The following SPATA17 variants were observed in gnomAD, a reference collection of about 807,000 sequenced individuals.
The protein encoded by SPATA17 is spermatogenesis associated 17.
Under a neutral mutation model 62.2 loss-of-function variants are expected in SPATA17, and 53 were observed. The ratio of observed to expected loss-of-function variants is 0.85; its 90% CI spans 0.68 to 1.07. The LOEUF (loss-of-function observed/expected upper bound fraction) is 1.07. Ranked by LOEUF, SPATA17 falls within the 50% of genes least tolerant of loss-of-function variation. The pLI, the probability that SPATA17 is intolerant of heterozygous loss-of-function variation, is 0.00. For missense variants in SPATA17, 466 were observed against 425.5 expected (o/e 1.10, Z -0.84); for synonymous variants, 146 against 146.8 (o/e 0.99, Z 0.04).
chr1:217,850,516 G>T, intron 9 of SPATA17: 1 of 1,561,990 alleles, frequency 6.4e-7, no homozygotes, highest in South Asian at 1.1e-5. Context: ...AGCCTCTGCT[G>T]GTCGGGGAGG....
At chr1:217,681,748 A>G (rs957982490) in intron 4 of SPATA17, among the ~76,000 whole-genome samples, 7 of 152,314 alleles carry the variant, frequency 4.6e-5, no homozygotes, top group African/African-American at 1.7e-4. Context: ...TTAAATGGCC[A>G]TGTTTTAAAA....
chr1:217,686,479 G>T (rs1671216786), intron 5 of SPATA17, among the ~76,000 whole-genome samples: 1 of 151,422 alleles, frequency 6.6e-6, no homozygotes, highest in South Asian at 2.1e-4. Flanking sequence ...TCTCTCTTTT[G>T]TTCTCAAAAT....
chr1:217,799,173 T>G (rs1334560076), intron 8 of SPATA17, among the ~76,000 whole-genome samples: 1 of 152,102 alleles, frequency 6.6e-6, no homozygotes, highest in African/African-American at 2.4e-5. Context: ...TGAGTATACA[T>G]ACATGCACAT....
At chr1:217,664,253 A>C (rs1300934472) in intron 3 of SPATA17, among the ~76,000 whole-genome samples, 3 of 151,740 alleles carry the variant, frequency 2.0e-5, no homozygotes, top group African/African-American at 7.3e-5. Flanking sequence ...CAGAAGTTCC[A>C]ATGAAGTGTA....
chr1:217,652,530 G>A (rs143482143), intron 3 of SPATA17, among the ~76,000 whole-genome samples: 37 of 152,042 alleles, frequency 2.4e-4, no homozygotes, highest in African/African-American at 7.7e-4. Context: ...CACCACGCCC[G>A]GCCAAACTTT....
chr1:217,666,088 T>C (rs1168495884), intron 3 of SPATA17, among the ~76,000 whole-genome samples: 1 of 152,170 alleles, frequency 6.6e-6, no homozygotes, highest in East Asian at 1.9e-4. Flanking sequence ...TCCACTACAA[T>C]AAAACCATCT....
chr1:217,772,753 C>A (rs1304045798), intron 6 of SPATA17, among the ~76,000 whole-genome samples: 1 of 152,192 alleles, frequency 6.6e-6, no homozygotes, highest in African/African-American at 2.4e-5. Context: ...CCCTGCTAGG[C>A]CCTGGGGTTG....
intron 6 of SPATA17, among the ~76,000 whole-genome samples, chr1:217,746,642 G>T (rs991259927): frequency 2.0e-5 from 3 of 151,706 alleles, no homozygotes; most frequent in Admixed American, 6.6e-5. Context: ...TTAAAGTCAG[G>T]TTTAAGCCTA....
intron 9 of SPATA17, among the ~76,000 whole-genome samples, chr1:217,833,410 C>A (rs1463816759): frequency 6.6e-6 from 1 of 152,096 alleles, no homozygotes; most frequent in Non-Finnish European, 1.5e-5. Flanking sequence ...GGAGGGATAG[C>A]GTTAATAAGA....
At chr1:217,631,546 ATT>A in intron 1 of SPATA17, 100 bp downstream of exon 1, 2 of 1,251,158 alleles carry the variant, frequency 1.6e-6, no homozygotes, top group Non-Finnish European at 2.3e-6. Context: ...GATTACCCTA[ATT>A]CATTAAGTAG....
chr1:217,656,479 C>T (rs1003014054), intron 3 of SPATA17, among the ~76,000 whole-genome samples: 4 of 151,894 alleles, frequency 2.6e-5, no homozygotes, highest in African/African-American at 4.8e-5. Context: ...AGCTTTTCCT[C>T]GTTTAGATTG....
Position 217,651,886 on chromosome 1 carries a change from G to A in SPATA17, c.240+708G>A, listed in dbSNP as rs542177530. On this transcript the variant is annotated intron_variant, in intron 3 of 10. Transcript: ENST00000366933. Reference sequence around the variant, plus strand: ...GTTAGGATGCTTATTAAAAGTAACCGTCGTACTCATTTGGCAGGCTAGGAA... The same window carrying A: ...GTTAGGATGCTTATTAAAAGTAACCATCGTACTCATTTGGCAGGCTAGGAA... 2.0e-4 allele frequency among the ~76,000 whole-genome samples: 30 copies of A among 152,234 alleles called. No individual in the cohort carries two copies. In the South Asian group the frequency reaches 4.8e-3, roughly 24 times the overall value.
chr1:217,862,708 A>G, intron 9 of SPATA17, 66 bp from the exon 10 acceptor site: 1 of 1,151,288 alleles, frequency 8.7e-7, no homozygotes, highest in Non-Finnish European at 1.3e-6. Context: ...CTAAATAATA[A>G]CAATAATGGT....
At chr1:217,727,285 A>C (rs11578199) in intron 5 of SPATA17, among the ~76,000 whole-genome samples, 27,766 of 146,622 alleles carry the variant, frequency 0.19, 3,143 homozygotes, top group Non-Finnish European at 0.25. Context: ...AATAATAATA[A>C]TAACAACAAA....
At chr1:217,855,727 C>CT (rs1227869263) in intron 9 of SPATA17, among the ~76,000 whole-genome samples, 18 of 30,446 alleles carry the variant, frequency 5.9e-4, no homozygotes, top group African/African-American at 2.1e-3. Flanking sequence ...ACAGAAGGAA[C>CT]TATTTTTTTT....
At chr1:217,772,600 C>G (rs1463435860) in intron 6 of SPATA17, among the ~76,000 whole-genome samples, 3 of 152,062 alleles carry the variant, frequency 2.0e-5, no homozygotes, top group Non-Finnish European at 4.4e-5. Flanking sequence ...TGAAATAAGT[C>G]TCAAACTTTT....
chr1:217,645,093 T>C (rs1571701139), intron 1 of SPATA17, among the ~76,000 whole-genome samples: 1 of 152,118 alleles, frequency 6.6e-6, no homozygotes, highest in East Asian at 1.9e-4. Flanking sequence ...GAGAAACATG[T>C]ATAGAAGTCA....
intron 9 of SPATA17, among the ~76,000 whole-genome samples, chr1:217,851,033 T>A (rs998298949): frequency 5.9e-5 from 9 of 152,150 alleles, no homozygotes; most frequent in African/African-American, 2.2e-4. Context: ...TTGGGTAGGA[T>A]TTGCACCTAC....
intron 8 of SPATA17, among the ~76,000 whole-genome samples, chr1:217,789,629 T>G (rs1238297088): frequency 6.6e-6 from 1 of 152,096 alleles, no homozygotes; most frequent in Non-Finnish European, 1.5e-5. Flanking sequence ...GGTCACACAT[T>G]AGTTTTGGCC....
Sources: allele counts gnomAD v4.1 joint callset (sites outside exome capture counted in the v4.1 genomes callset), GRCh38; gene constraint gnomAD v4.1.1; transcripts MANE v1.5; gene names NCBI Gene and HGNC (gene_info 2026-07-23, HGNC 2026-07-21).